Variants in ZBED6 observed in about 807,000 individuals in gnomAD.
ZBED6 encodes zinc finger BED domain-containing protein 6.
Under a neutral mutation model 58.4 loss-of-function variants are expected in ZBED6, and 40 were observed. The ratio of observed to expected loss-of-function variants is 0.68; its 90% CI spans 0.53 to 0.89. ZBED6 has a LOEUF of 0.89. ZBED6 is among the 40% of genes least tolerant of loss of function. ZBED6 has a pLI of 0.00. For missense variants in ZBED6, 1,057 were observed against 1,003.9 expected (o/e 1.05, Z -0.71); for synonymous variants, 439 against 350.6 (o/e 1.25, Z -2.82).
At chr1:203,850,749 C>A in intron 15 of ZBED6, 68 bp downstream of exon 15, 3 of 1,551,646 alleles carry the variant, frequency 1.9e-6, no homozygotes, top group Non-Finnish European at 2.6e-6. Flanking sequence ...ACTAACTCTC[C>A]ACTAGCATTC....
chr1:203,822,885 C>G (rs1679245282), intron 3 of ZBED6, among the ~76,000 whole-genome samples: 1 of 152,190 alleles, frequency 6.6e-6, no homozygotes, highest in South Asian at 2.1e-4. Context: ...TCAACCCCAT[C>G]TAATGACTTT....
chr1:203,833,182 A>G (rs565981297), intron 8 of ZBED6, among the ~76,000 whole-genome samples: 1 of 152,254 alleles, frequency 6.6e-6, no homozygotes, highest in South Asian at 2.1e-4. Context: ...AGCCCGACCA[A>G]CGCGGTGAAA....
At chr1:203,831,512 G>A (rs1682361370) in intron 7 of ZBED6, 149 bp from the exon 8 acceptor site, 1 of 633,898 alleles carries the variant, frequency 1.6e-6, no homozygotes, top group African/African-American at 1.8e-5. Flanking sequence ...CCATTTGACT[G>A]TAGGCAAACA....
intron 3 of ZBED6, among the ~76,000 whole-genome samples, chr1:203,825,076 CAAAAAAA>C (rs61108073): frequency 3.7e-5 from 4 of 108,986 alleles, no homozygotes; most frequent in Admixed American, 1.1e-4. Flanking sequence ...GACTCCGTCT[CAAAAAAA>C]AAAAAAAAAA....
exon 1 of ZBED6, chr1:203,795,946 C>T (rs1668268866): frequency 6.6e-6 from 1 of 151,676 alleles, no homozygotes; most frequent in Admixed American, 6.6e-5. Flanking sequence ...CGTAACGACC[C>T]CTCCCCCCCA....
intron 11 of ZBED6, among the ~76,000 whole-genome samples, chr1:203,842,528 A>G (rs906827997): frequency 5.5e-5 from 8 of 146,448 alleles, no homozygotes; most frequent in Non-Finnish European, 7.5e-5. Context: ...GGGAGGTTGC[A>G]GTGAGCCGAG....
chr1:203,840,326 A>G (rs1685710315), exon 11 of ZBED6: 1 of 1,613,096 alleles, frequency 6.2e-7, no homozygotes, highest in Non-Finnish European at 8.5e-7. Context: ...CAAGTCTCTT[A>G]AGGAGCGATT....
intron 3 of ZBED6, among the ~76,000 whole-genome samples, chr1:203,819,057 C>T (rs1677319166): frequency 7.6e-6 from 1 of 132,280 alleles, no homozygotes; most frequent in Non-Finnish European, 1.6e-5. Flanking sequence ...GACAGAGCAA[C>T]ACTCCGTCTC....
chr1:203,805,742 G>C (rs1001667059), intron 1 of ZBED6: 7 of 669,330 alleles, frequency 1.0e-5, no homozygotes, highest in Non-Finnish European at 1.7e-5. Flanking sequence ...TAGAACTCTT[G>C]GTCAGCCACA....
Position 203,830,925 on chromosome 1 carries a change from A to ATTTT in ZBED6, c.*3400-701_*3400-698dup, listed in dbSNP as rs774771270. ...GATTGCTCTGTATTTCCAACCCCCAATTTTTTTTTTTTTTTTTTTTTTTTT... is the reference window on the plus strand; with the variant it reads ...GATTGCTCTGTATTTCCAACCCCCAATTTTTTTTTTTTTTTTTTTTTTTTTTTTT... On this transcript the variant is annotated intron_variant, in intron 7 of 16. Coordinates refer to ENST00000550078, the Ensembl canonical transcript of ZBED6. 3.9e-4 allele frequency among the ~76,000 whole-genome samples: 20 copies of ATTTT among 51,384 alleles called. 2 individuals carry two copies. Among genetic ancestry groups the ATTTT allele is most frequent in the East Asian group, 1.3e-3 (2 of 1,490 alleles). 33.7% of individuals were successfully genotyped at this position (51,384 alleles called of 152,430 possible).
At chr1:203,806,438 A>G (rs1434176608) in intron 1 of ZBED6, among the ~76,000 whole-genome samples, 1 of 151,864 alleles carries the variant, frequency 6.6e-6, no homozygotes, top group East Asian at 1.9e-4. Flanking sequence ...AGTAGCTGGG[A>G]TTATAGGCAT....
At chr1:203,800,619 TA>T in exon 1 of ZBED6, 2 of 633,390 alleles carry the variant, frequency 3.2e-6, no homozygotes, top group South Asian at 7.0e-5. Context: ...ATAATTTTGA[TA>T]AAATGAAGAT....
chr1:203,820,239 A>G (rs79753123), intron 3 of ZBED6, among the ~76,000 whole-genome samples: 2 of 141,514 alleles, frequency 1.4e-5, no homozygotes, highest in Non-Finnish European at 1.5e-5. Flanking sequence ...CATCTCAAGA[A>G]AAAAAAAAAA....
chr1:203,799,452 G>A (rs1390895982), exon 1 of ZBED6: 28 of 702,944 alleles, frequency 4.0e-5, no homozygotes, highest in East Asian at 1.1e-4. Flanking sequence ...GAAGCAGGAC[G>A]AAACTGGCCA....
chr1:203,824,265 T>C (rs1345237000), intron 3 of ZBED6, among the ~76,000 whole-genome samples: 2 of 110,746 alleles, frequency 1.8e-5, no homozygotes, highest in Non-Finnish European at 3.7e-5. Context: ...AAGACTCCCA[T>C]CTCAAAATTA....
chr1:203,801,934 T>C (rs1571901657), exon 1 of ZBED6: 2 of 152,742 alleles, frequency 1.3e-5, no homozygotes, highest in South Asian at 4.1e-4. Context: ...AGTCTTTAGC[T>C]GTAGCCATTA....
intron 11 of ZBED6, among the ~76,000 whole-genome samples, chr1:203,842,288 C>T (rs1404283828): frequency 2.0e-5 from 3 of 152,212 alleles, no homozygotes; most frequent in Non-Finnish European, 4.4e-5. Flanking sequence ...GATCACGCCA[C>T]TGCACTCCAG....
intron 13 of ZBED6, among the ~76,000 whole-genome samples, chr1:203,848,669 C>T (rs1425019599): frequency 1.3e-5 from 2 of 152,148 alleles, no homozygotes; most frequent in Non-Finnish European, 2.9e-5. Flanking sequence ...GGGCGGATCA[C>T]GAGGTCAGGA....
intron 9 of ZBED6, 122 bp from the exon 10 acceptor site, chr1:203,837,844 A>G: frequency 2.3e-6 from 2 of 877,994 alleles, no homozygotes; most frequent in Non-Finnish European, 3.5e-6. Context: ...CTGGTGAACA[A>G]ACACGCCATA....
Sources: allele counts gnomAD v4.1 joint callset (sites outside exome capture counted in the v4.1 genomes callset), GRCh38; gene constraint gnomAD v4.1.1; transcripts MANE v1.5; gene names NCBI Gene and HGNC (gene_info 2026-07-23, HGNC 2026-07-21).